INSL6: variants seen among roughly 807,000 people sequenced by gnomAD.
The protein encoded by INSL6 is insulin-like peptide INSL6.
A neutral mutation model predicts 9.4 loss-of-function variants in INSL6; 16 were observed. That is an observed-to-expected ratio of 1.70 (90% CI 1.15 to 2.59). The LOEUF is 2.59. Ranked by LOEUF, INSL6 falls within the 30% of genes most tolerant of loss-of-function variation. The probability of loss-of-function intolerance (pLI) is 0.00; values close to 1 mark genes in which losing one functional copy is unlikely to be tolerated. For synonymous variants in INSL6, 154 were observed against 96.9 expected (o/e 1.59, Z -3.46); for missense variants, 391 against 257.3 (o/e 1.52, Z -3.56).
chr9:5,062,960 A>G, the INSL6 span, among the ~76,000 whole-genome samples: 3 of 151,998 alleles, frequency 2.0e-5, no homozygotes, highest in African/African-American at 7.2e-5. Context: ...TATGTTAGGT[A>G]TATTCCTTTG....
chr9:5,135,548 G>C (rs958895595), intron 2 of INSL6, among the ~76,000 whole-genome samples: 1 of 152,164 alleles, frequency 6.6e-6, no homozygotes, highest in Non-Finnish European at 1.5e-5. Flanking sequence ...AATGAAGGCA[G>C]ATATAAAGAT....
At chr9:5,071,560 A>G in the INSL6 span, among the ~76,000 whole-genome samples, 29 of 152,344 alleles carry the variant, frequency 1.9e-4, no homozygotes, top group African/African-American at 6.5e-4. Context: ...AATTACTTAT[A>G]GCTGAAGAGA....
At chr9:5,174,100 T>C (rs1190648896) in intron 1 of INSL6, among the ~76,000 whole-genome samples, 2 of 152,208 alleles carry the variant, frequency 1.3e-5, no homozygotes, top group Non-Finnish European at 1.5e-5. Context: ...AGGACACTAC[T>C]CCAGCAATCC....
chr9:5,149,674 G>C (rs561837685), intron 2 of INSL6, among the ~76,000 whole-genome samples: 24 of 150,688 alleles, frequency 1.6e-4, no homozygotes, highest in African/African-American at 4.9e-4. Context: ...GCAATATACA[G>C]ATTAAATACA....
chr9:5,091,002 A>G, the INSL6 span: 1 of 961,520 alleles, frequency 1.0e-6, no homozygotes, highest in East Asian at 2.6e-5. Context: ...TTCTATATTT[A>G]CAGTAACAGT....
downstream of INSL6, among the ~76,000 whole-genome samples, chr9:5,119,006 C>G (rs182178019): frequency 4.0e-4 from 61 of 152,188 alleles, no homozygotes; most frequent in Admixed American, 2.0e-3. Context: ...CTTGTTTAAA[C>G]TAATACATTC....
the INSL6 span, among the ~76,000 whole-genome samples, chr9:5,002,129 G>C: frequency 1.3e-5 from 2 of 151,720 alleles, no homozygotes; most frequent in Non-Finnish European, 2.9e-5. Flanking sequence ...TAAAAACAAA[G>C]TTTTGGTTTG....
chr9:5,064,797 T>G, the INSL6 span: 1 of 1,009,208 alleles, frequency 9.9e-7, no homozygotes, highest in Non-Finnish European at 1.4e-6. Context: ...AAAATTGTAT[T>G]TAACATGGAA....
intron 1 of INSL6, among the ~76,000 whole-genome samples, chr9:5,172,368 T>C (rs1407305218): frequency 2.0e-5 from 3 of 152,056 alleles, no homozygotes; most frequent in East Asian, 3.8e-4. Context: ...TAGAAGAAGA[T>C]CTAGGCAATG....
the INSL6 span, chr9:5,041,934 T>A: frequency 7.7e-6 from 3 of 388,202 alleles, no homozygotes; most frequent in Admixed American, 7.2e-5. Context: ...AATGCTGCTG[T>A]TTCTTCCCCC....
the INSL6 span, among the ~76,000 whole-genome samples, chr9:5,029,272 G>C: frequency 6.6e-6 from 1 of 152,058 alleles, no homozygotes; most frequent in African/African-American, 2.4e-5. Flanking sequence ...TTGCTGGAGC[G>C]GTCAGAACAC....
chr9:5,121,897 G>A (rs1285478638), downstream of INSL6, among the ~76,000 whole-genome samples: 1 of 152,106 alleles, frequency 6.6e-6, no homozygotes, highest in Non-Finnish European at 1.5e-5. Context: ...TATTTTGCAA[G>A]GAGTGAGGGA....
exon 4 of INSL6, among the ~76,000 whole-genome samples, chr9:5,124,177 A>T (rs1011774701): frequency 2.6e-5 from 4 of 151,762 alleles, no homozygotes; most frequent in South Asian, 2.1e-4. Flanking sequence ...CATTCTGTTG[A>T]TTATTGATTT....
the INSL6 span, among the ~76,000 whole-genome samples, chr9:5,001,356 C>G: frequency 6.6e-6 from 1 of 151,980 alleles, no homozygotes; most frequent in Non-Finnish European, 1.5e-5. Context: ...TGAGGAAATT[C>G]CCTTCTTTTT....
At position 5,181,512 on chromosome 9, in the gene INSL6, T is replaced by C. The variant is rs945011326; in HGVS notation, c.289+3802A>G. 1.5e-4 allele frequency among the ~76,000 whole-genome samples: 23 copies of C among 151,752 alleles called. 1 individual carries two copies. Among genetic ancestry groups the C allele is most frequent in the Admixed American group, 1.5e-3 (23 of 15,230 alleles). ...TCCTACCGAGACCAGAACTAAAAAT[T>C]AGCCTAATAATTAAGGACTTAATGT... On this transcript the variant is annotated intron_variant, in intron 1 of 1. Transcript: ENST00000381641.
At chr9:4,997,629 G>A in the INSL6 span, among the ~76,000 whole-genome samples, 4 of 152,236 alleles carry the variant, frequency 2.6e-5, no homozygotes, top group South Asian at 2.1e-4. Context: ...ATTTAAAGGG[G>A]ACAACATCCA....
the INSL6 span, among the ~76,000 whole-genome samples, chr9:5,037,157 A>G: frequency 6.6e-6 from 1 of 152,200 alleles, no homozygotes; most frequent in Non-Finnish European, 1.5e-5. Context: ...CCACAAAGAG[A>G]TACCATCTCA....
chr9:5,043,205 A>G, the INSL6 span, among the ~76,000 whole-genome samples: 1 of 152,204 alleles, frequency 6.6e-6, no homozygotes, highest in Non-Finnish European at 1.5e-5. Context: ...AGCTTGAGGC[A>G]GTGCCCAGGG....
At chr9:5,056,327 A>G in the INSL6 span, among the ~76,000 whole-genome samples, 1 of 152,092 alleles carries the variant, frequency 6.6e-6, no homozygotes, top group African/African-American at 2.4e-5. Flanking sequence ...AATAGGAGAA[A>G]TGAATTATTT....
Sources: gnomAD v4.1 joint callset for allele counts (sites outside exome capture counted in the v4.1 genomes callset) on GRCh38, gnomAD v4.1.1 for gene constraint, MANE v1.5 for transcripts, NCBI Gene and HGNC (gene_info 2026-07-23, HGNC 2026-07-21) for gene names.